BANK1: variants seen among roughly 807,000 people sequenced by gnomAD.
BANK1 encodes the protein B cell scaffold protein with ankyrin repeats 1.
BANK1 carries 95 observed loss-of-function variants against 94.5 expected under a neutral mutation model. That is an observed-to-expected ratio of 1.00 (90% CI 0.85 to 1.19). The LOEUF (loss-of-function observed/expected upper bound fraction) is 1.19. Among genes scored for constraint, BANK1 ranks in the 50% most tolerant of loss-of-function variants. The pLI is 0.00. For synonymous variants in BANK1, 334 were observed against 308.4 expected, an observed-to-expected ratio of 1.08 and a Z score of -0.87; for missense variants, 987 against 932.2, an observed-to-expected ratio of 1.06 and a Z score of -0.77.
chr4:101,893,965 CAT>C (rs1332938398), intron 5 of BANK1, among the ~76,000 whole-genome samples: 1 of 152,022 alleles, frequency 6.6e-6, no homozygotes, highest in Non-Finnish European at 1.5e-5. Context: ...CCAGGCCATG[CAT>C]ATGATACCTA....
chr4:101,807,728 CACA>C (rs1725605720), intron 1 of BANK1, among the ~76,000 whole-genome samples: 1 of 152,078 alleles, frequency 6.6e-6, no homozygotes, highest in Non-Finnish European at 1.5e-5. Flanking sequence ...GAAATCTAGG[CACA>C]ACAAGGTTCA....
intron 7 of BANK1, among the ~76,000 whole-genome samples, chr4:101,952,216 T>A (rs1164206116): frequency 6.6e-6 from 1 of 152,160 alleles, no homozygotes; most frequent in African/African-American, 2.4e-5. Context: ...TGTCATTTTG[T>A]TCAATGTTTT....
rs565646627 is a variant in BANK1 at position 101,921,324 on chromosome 4, G to A, written c.1206+3135G>A. Among the ~76,000 whole-genome samples, 15 of 152,004 alleles carry A rather than the reference G, an allele frequency of 9.9e-5. No individual in the cohort carries two copies. The South Asian group carries it at 1.5e-3, about 15-fold the overall frequency. Reference sequence around the variant, plus strand: ...ATTTGGTACTTAAATTCACAACTGCGTATGAACAACGATTTGCTTAGCATT... The same window carrying A: ...ATTTGGTACTTAAATTCACAACTGCATATGAACAACGATTTGCTTAGCATT... On this transcript the variant is annotated intron_variant, in intron 7 of 16. Transcript: ENST00000322953.
At chr4:101,839,880 A>C (rs1482596502) in intron 2 of BANK1, among the ~76,000 whole-genome samples, 2 of 148,688 alleles carry the variant, frequency 1.3e-5, no homozygotes, top group Non-Finnish European at 1.5e-5. Context: ...GGAGATATAC[A>C]ATTGCTTTTT....
intron 4 of BANK1, among the ~76,000 whole-genome samples, chr4:101,866,087 G>A (rs13103373): frequency 0.075 from 11,380 of 151,960 alleles, 622 homozygotes; most frequent in Admixed American, 0.18. Flanking sequence ...CATCAGACTA[G>A]AATTAGATAT....
At chr4:101,829,742 T>C in intron 1 of BANK1, 66 bp from the exon 2 acceptor site, 2 of 1,128,476 alleles carry the variant, frequency 1.8e-6, no homozygotes, top group East Asian at 2.7e-5. Context: ...TTAAAATTTT[T>C]GAGAAATAAT....
intron 2 of BANK1, among the ~76,000 whole-genome samples, chr4:101,852,805 T>C (rs1056505822): frequency 2.0e-5 from 3 of 152,074 alleles, no homozygotes; most frequent in African/African-American, 7.2e-5. Flanking sequence ...TGAATATTCA[T>C]AGAGATAAAT....
chr4:101,964,149 A>G (rs1234461836), intron 7 of BANK1, among the ~76,000 whole-genome samples: 1 of 152,126 alleles, frequency 6.6e-6, no homozygotes, highest in Non-Finnish European at 1.5e-5. Context: ...TCAATCGAAT[A>G]TATCAAGTCT....
At chr4:102,016,911 A>G (rs1420738527) in intron 7 of BANK1, among the ~76,000 whole-genome samples, 4 of 152,164 alleles carry the variant, frequency 2.6e-5, no homozygotes, top group African/African-American at 9.7e-5. Flanking sequence ...TCCACTGTGG[A>G]TAAGAATGGA....
intron 7 of BANK1, among the ~76,000 whole-genome samples, chr4:101,989,574 A>G (rs531252588): frequency 2.0e-5 from 3 of 152,192 alleles, no homozygotes; most frequent in Middle Eastern, 6.8e-3. Context: ...TTTGGGGGCC[A>G]AGATTCAAAC....
Position 101,922,055 on chromosome 4 carries a change from T to TGTGTGTGTGTGTGA in BANK1, c.1206+3867_1206+3868insTGTGTGTGTGTGAG, listed in dbSNP as rs1491163025. Among the ~76,000 whole-genome samples the TGTGTGTGTGTGTGA allele has an allele frequency of 2.6e-4, 38 of 144,366 alleles. 2 individuals carry two copies. Among genetic ancestry groups the TGTGTGTGTGTGTGA allele is most frequent in the African/African-American group, 9.7e-4 (38 of 39,332 alleles). 94.7% of individuals were successfully genotyped at this position (144,366 alleles called of 152,430 possible). A position where few individuals can be genotyped will look rare whatever the true frequency, so the allele number is the denominator to read the frequency against. On this transcript the variant is annotated intron_variant, in intron 7 of 16. Transcript: ENST00000322953. ...GTGTGTGTGTGTGTGTGTGTGTGTGTGAGACAGAGAGATTTTGTTGCCCTC... is the reference window on the plus strand; with the variant it reads ...GTGTGTGTGTGTGTGTGTGTGTGTGTGTGTGTGTGTGTGAGAGACAGAGAGATTTTGTTGCCCTC...
At chr4:102,071,376 T>C (rs2148968092) in intron 14 of BANK1, 72 bp downstream of exon 14, 1 of 1,435,902 alleles carries the variant, frequency 7.0e-7, no homozygotes, top group Middle Eastern at 1.8e-4. Context: ...TCAATATTAA[T>C]GTAAACCTAA....
intron 7 of BANK1, among the ~76,000 whole-genome samples, chr4:101,974,225 A>T (rs1410859608): frequency 6.6e-6 from 1 of 152,134 alleles, no homozygotes; most frequent in Non-Finnish European, 1.5e-5. Flanking sequence ...TTGAACTGAA[A>T]CAACTATTTG....
Position 102,030,115 on chromosome 4 carries a change from G to A in BANK1, c.1750G>A (p.Asp584Asn), listed in dbSNP as rs776477993. ...AGACCCATATACTTTTGCTGAGATT[G>A]ATGACAGTGAATATGACATGATATT... ...EEDPYTFAEI[D>N]DSEYDMILAN... The change falls in exon 10 of 17, where the codon GAT (aspartate) becomes AAT (asparagine). Residue 584 changes from aspartate (D) to asparagine (N), a missense_variant. By Grantham distance (23) the Asp-to-Asn change is conservative. Coordinates refer to ENST00000322953, the MANE Select transcript of BANK1 (RefSeq NM_017935.5). The A allele has an allele frequency of 3.1e-6, 5 of 1,613,898 alleles. No individual in the cohort carries two copies. The African/African-American group carries it at 6.7e-5, about 22-fold the overall frequency.
At chr4:101,934,212 G>T (rs1358279154) in intron 7 of BANK1, among the ~76,000 whole-genome samples, 7 of 151,414 alleles carry the variant, frequency 4.6e-5, no homozygotes, top group Non-Finnish European at 1.0e-4. Flanking sequence ...CAGCCTAAGG[G>T]TATGCTGAAT....
At chr4:101,895,523 T>C in intron 6 of BANK1, 113 bp downstream of exon 6, 1 of 616,590 alleles carries the variant, frequency 1.6e-6, no homozygotes, top group Non-Finnish European at 2.8e-6. Flanking sequence ...GATGAGATGA[T>C]TTAGACAACT....
At position 102,039,137 on chromosome 4, in the gene BANK1, G is replaced by A. The variant is rs1727620734; in HGVS notation, c.1901-4702G>A. Among the ~76,000 whole-genome samples, 3 of 152,122 alleles carry A rather than the reference G, an allele frequency of 2.0e-5. No homozygotes were observed. In the South Asian group the frequency reaches 6.2e-4, roughly 32 times the overall value. ...GCCACAACTCCACCTACATACGTCT[G>A]CCATGCAGTAAACTGGTTTCAGGTG... On this transcript the variant is annotated intron_variant, in intron 10 of 16. Coordinates refer to ENST00000322953, the MANE Select transcript of BANK1 (RefSeq NM_017935.5).
intron 7 of BANK1, among the ~76,000 whole-genome samples, chr4:101,932,441 T>C (rs1029034410): frequency 2.0e-5 from 3 of 151,552 alleles, no homozygotes; most frequent in Non-Finnish European, 4.4e-5. Context: ...AAATTTCACC[T>C]TAGTTGTCCT....
intron 6 of BANK1, among the ~76,000 whole-genome samples, chr4:101,903,344 A>G (rs1722344032): frequency 6.6e-6 from 1 of 152,218 alleles, no homozygotes; most frequent in Non-Finnish European, 1.5e-5. Context: ...TGCCTTCATG[A>G]GAGGGACAAT....
Sources: gnomAD v4.1 joint callset for allele counts (sites outside exome capture counted in the v4.1 genomes callset) on GRCh38, gnomAD v4.1.1 for gene constraint, MANE v1.5 for transcripts, NCBI Gene and HGNC (gene_info 2026-07-23, HGNC 2026-07-21) for gene names.